Variants in KCNS3 observed in about 807,000 individuals in gnomAD.
KCNS3 encodes the protein delayed-rectifier potassium channel regulatory subunit KCNS3.
Under a neutral mutation model 31.0 loss-of-function variants are expected in KCNS3, and 13 were observed. That is an observed-to-expected ratio of 0.42 (90% CI 0.27 to 0.67). The LOEUF (loss-of-function observed/expected upper bound fraction) is 0.67, where lower values mean the gene tolerates loss of function less well. Ranked by LOEUF, KCNS3 falls within the 30% of genes least tolerant of loss-of-function variation. The pLI is 0.25. For missense variants in KCNS3, 545 were observed against 622.4 expected (o/e 0.88, Z 1.32); for synonymous variants, 238 against 241.5 (o/e 0.99, Z 0.13).
At position 17,931,983 on chromosome 2, in the gene KCNS3, G is replaced by T; in HGVS notation, c.975G>T (p.Gly325=). The T allele has an allele frequency of 6.2e-7, 1 of 1,614,070 alleles. No individual in the cohort carries two copies. The highest frequency in any genetic ancestry group is 1.1e-5 in the South Asian group (1 of 91,066). The part of the protein sequence containing the change: ...ATLRHSYHEV[G]LLLLFLSVGI... ...TGAGACACAGCTACCATGAAGTTGG[G>T]CTTCTGCTTCTCTTCCTCTCTGTGG... The change falls in exon 3 of 3, where the codon GGG becomes GGT. Residue 325 remains glycine (G), a synonymous_variant. Transcript: ENST00000304101. The surrounding 1 kb of genome is among the most constrained non-coding windows in gnomAD (Gnocchi z 5.4).
intron 1 of KCNS3, among the ~76,000 whole-genome samples, chr2:17,896,180 C>CTA (rs1380598491): frequency 2.6e-5 from 4 of 152,114 alleles, no homozygotes; most frequent in Admixed American, 1.3e-4. Flanking sequence ...ATAGCTGGGA[C>CTA]TATAGGCTGG....
intron 1 of KCNS3, among the ~76,000 whole-genome samples, chr2:17,896,980 G>A (rs1662043749): frequency 6.6e-6 from 1 of 152,040 alleles, no homozygotes; most frequent in African/African-American, 2.4e-5. Flanking sequence ...GGTATGATGG[G>A]ACCAGTTACC....
At chr2:17,882,478 C>T (rs1293294289) in intron 1 of KCNS3, among the ~76,000 whole-genome samples, 2 of 152,194 alleles carry the variant, frequency 1.3e-5, no homozygotes, top group Non-Finnish European at 2.9e-5. Context: ...CTTTCTGCCT[C>T]ACTTCTCTCT....
rs559378633 is a variant in KCNS3 at position 17,922,143 on chromosome 2, A to C, written c.-60+4272A>C. Among the ~76,000 whole-genome samples the C allele has an allele frequency of 2.0e-5, 3 of 150,790 alleles. No individual in the cohort carries two copies. The East Asian group carries it at 5.8e-4, about 29-fold the overall frequency. On this transcript the variant is annotated intron_variant, in intron 2 of 2. Transcript: ENST00000304101. ...TTGACCATATTCCTCTAAAATATTTATTTTGTTCAGTAAAATCTAGTTATT... is the reference window on the plus strand; with the variant it reads ...TTGACCATATTCCTCTAAAATATTTCTTTTGTTCAGTAAAATCTAGTTATT...
At chr2:17,894,235 G>A (rs1165605200) in intron 1 of KCNS3, among the ~76,000 whole-genome samples, 1 of 152,028 alleles carries the variant, frequency 6.6e-6, no homozygotes, top group Non-Finnish European at 1.5e-5. Context: ...AAGCCCTAAT[G>A]AGTGCACAGT....
intron 2 of KCNS3, among the ~76,000 whole-genome samples, chr2:17,921,127 A>C (rs1025878337): frequency 1.3e-5 from 2 of 152,256 alleles, no homozygotes; most frequent in East Asian, 3.8e-4. Flanking sequence ...AAGAGTGAAT[A>C]ATAGTGTATA....
At chr2:17,899,562 ACTT>A (rs1662116798) in intron 1 of KCNS3, among the ~76,000 whole-genome samples, 2 of 152,312 alleles carry the variant, frequency 1.3e-5, no homozygotes, top group African/African-American at 4.8e-5. Context: ...TCTTAGCTCC[ACTT>A]CTTTTTGGCT....
In KCNS3 at chr2:17,931,638, C is replaced by G. The variant is rs1662977073; in HGVS notation, c.630C>G (p.Phe210Leu). The change falls in exon 3 of 3, where the codon TTC becomes TTG. Residue 210 changes from phenylalanine (F) to leucine (L), a missense_variant. Coordinates refer to ENST00000304101, the MANE Select transcript of KCNS3 (RefSeq NM_002252.5). The surrounding 1 kb of genome is among the most constrained non-coding windows in gnomAD (Gnocchi z 5.4). ...TGTGCGTTCACAGCATGTCGGAGTT[C>G]CAGAATGAGGATGGAGAAGTGGATG... ...VAMCVHSMSE[F>L]QNEDGEVDDP... 6.2e-7 allele frequency: 1 copy of G among 1,614,136 alleles called. No individual in the cohort carries two copies. The highest frequency in any genetic ancestry group is 8.5e-7 in the Non-Finnish European group (1 of 1,180,028).
At chr2:17,884,745 C>T (rs1482056705) in intron 1 of KCNS3, among the ~76,000 whole-genome samples, 1 of 152,138 alleles carries the variant, frequency 6.6e-6, no homozygotes, top group Non-Finnish European at 1.5e-5. Context: ...ATATATACCT[C>T]TGTGTATAGA....
intron 2 of KCNS3, among the ~76,000 whole-genome samples, chr2:17,927,794 A>G (rs1662870972): frequency 6.6e-6 from 1 of 152,022 alleles, no homozygotes; most frequent in Admixed American, 6.5e-5. Flanking sequence ...GCCCAACCAT[A>G]TCAGACAATA....
intron 1 of KCNS3, among the ~76,000 whole-genome samples, chr2:17,902,209 G>A (rs1662192440): frequency 6.6e-6 from 1 of 152,164 alleles, no homozygotes; most frequent in Admixed American, 6.5e-5. Context: ...GTCACCTGGA[G>A]ATGCCCTTAG....
chr2:17,931,421 A>G lies in KCNS3; in HGVS notation c.413A>G (p.His138Arg). The change falls in exon 3 of 3, where the codon CAT (histidine) becomes CGT (arginine). Residue 138 changes from histidine (H) to arginine (R), a missense_variant. Coordinates refer to ENST00000304101, the MANE Select transcript of KCNS3 (RefSeq NM_002252.5). The surrounding 1 kb of genome is among the most constrained non-coding windows in gnomAD (Gnocchi z 5.4). ...NHEKDWDQKS[H>R]DVSTDSSFEE... is the part of the protein sequence containing the mutation. ...GAGAAGGACTGGGACCAGAAAAGCC[A>G]TGATGTGAGTACCGACTCCTCGTTT... 1 of 1,614,180 alleles carries G rather than the reference A, an allele frequency of 6.2e-7. No homozygotes were observed. The highest frequency in any genetic ancestry group is 8.5e-7 in the Non-Finnish European group (1 of 1,180,030).
At chr2:17,879,942 A>T (rs1032952951) in intron 1 of KCNS3, among the ~76,000 whole-genome samples, 5 of 152,132 alleles carry the variant, frequency 3.3e-5, no homozygotes, top group African/African-American at 1.2e-4. Flanking sequence ...GTTGGCCCGG[A>T]GCCTTCGTTC....
intron 1 of KCNS3, among the ~76,000 whole-genome samples, chr2:17,888,262 A>G (rs913989903): frequency 1.3e-5 from 2 of 151,844 alleles, no homozygotes; most frequent in African/African-American, 2.4e-5. Context: ...GCCTAAGCCA[A>G]TATCTAGAAG....
rs137899069 is a variant in KCNS3 at position 17,910,219 on chromosome 2, A to G, written c.-251-7461A>G. On this transcript the variant is annotated intron_variant, in intron 1 of 2. Transcript: ENST00000304101. ...AGGTCTATAACTACTGTGATTCCAA[A>G]GTAATAATGAGTATAAATGATATTT... Among the ~76,000 whole-genome samples the G allele has an allele frequency of 5.4e-4, 82 of 152,354 alleles. 1 individual carries two copies. In the East Asian group the frequency reaches 0.015, roughly 28 times the overall value.
intron 1 of KCNS3, chr2:17,879,401 G>A (rs543071660): frequency 2.0e-5 from 3 of 152,494 alleles, no homozygotes; most frequent in African/African-American, 7.2e-5. Context: ...GCGAACCCAG[G>A]GCCCTTGCTC....
rs1343207728 is a variant in KCNS3 at position 17,884,267 on chromosome 2, AAATATATATATATAT to A, written c.-252+5463_-252+5477del. 0.016 allele frequency among the ~76,000 whole-genome samples: 619 copies of A among 38,706 alleles called. 43 individuals are homozygous for A. In the East Asian group the frequency reaches 0.23, roughly 15 times the overall value. 25.4% of individuals were successfully genotyped at this position (38,706 alleles called of 152,430 possible). ...ACTTAAAGTATAATTAAAAAAAAAAAAATATATATATATATATATATATATATATATATATATTTA... is the reference window on the plus strand; with the variant it reads ...ACTTAAAGTATAATTAAAAAAAAAAAATATATATATATATATATATATTTA... On this transcript the variant is annotated intron_variant, in intron 1 of 2. Transcript: ENST00000304101.
chr2:17,897,367 G>A (rs58779371), intron 1 of KCNS3, among the ~76,000 whole-genome samples: 44 of 152,214 alleles, frequency 2.9e-4, no homozygotes, highest in African/African-American at 9.9e-4. Context: ...AAATGCATGC[G>A]TCTTTTTGGT....
chr2:17,906,296 C>G (rs185839460), intron 1 of KCNS3, among the ~76,000 whole-genome samples: 45 of 152,250 alleles, frequency 3.0e-4, no homozygotes, highest in African/African-American at 2.2e-4. Flanking sequence ...TCTGTGGGAT[C>G]GGTGGTGATA....
Sources: allele counts gnomAD v4.1 joint callset (sites outside exome capture counted in the v4.1 genomes callset), GRCh38; gene constraint gnomAD v4.1.1; non-coding constraint Gnocchi (gnomAD v3.1); transcripts MANE v1.5; gene names NCBI Gene and HGNC (gene_info 2026-07-23, HGNC 2026-07-21).